Variants in CDH18 observed in about 807,000 individuals in gnomAD.
CDH18 encodes cadherin 18.
Under a neutral mutation model 67.9 loss-of-function variants are expected in CDH18, and 31 were observed. The observed-to-expected ratio is 0.46, with a 90% confidence interval of 0.34 to 0.62. CDH18 has a LOEUF of 0.62. Among genes scored for constraint, CDH18 ranks in the 20% least tolerant of loss-of-function variants. CDH18 has a pLI of 0.01. For missense variants in CDH18, 890 were observed against 975.5 expected, an observed-to-expected ratio of 0.91 and a Z score of 1.17; for synonymous variants, 362 against 347.2, an observed-to-expected ratio of 1.04 and a Z score of -0.48.
chr5:19,960,324 G>GT, intron 2 of CDH18, among the ~76,000 whole-genome samples: 1 of 151,594 alleles, frequency 6.6e-6, no homozygotes, highest in African/African-American at 2.4e-5. Context: ...TCTTTCATTT[G>GT]TTTTTACTTT....
intron 2 of CDH18, among the ~76,000 whole-genome samples, chr5:19,862,076 A>G (rs1490991491): frequency 2.0e-5 from 3 of 152,168 alleles, no homozygotes; most frequent in Admixed American, 1.3e-4. Flanking sequence ...AGAAATATGT[A>G]TATCAGGGTA....
chr5:19,474,255 T>G (rs1738067319), intron 12 of CDH18, among the ~76,000 whole-genome samples: 1 of 152,164 alleles, frequency 6.6e-6, no homozygotes, highest in Admixed American at 6.6e-5. Context: ...CTTTTGTCAA[T>G]TATCCTTTAA....
intron 1 of CDH18, among the ~76,000 whole-genome samples, chr5:20,433,585 G>A (rs776078692): frequency 6.6e-6 from 1 of 152,020 alleles, no homozygotes; most frequent in Non-Finnish European, 1.5e-5. Context: ...AAAACATATG[G>A]GAGATATTTG....
intron 5 of CDH18, among the ~76,000 whole-genome samples, chr5:19,691,123 A>G (rs1011037435): frequency 6.6e-6 from 1 of 151,760 alleles, no homozygotes. Flanking sequence ...ATTGTTTAAC[A>G]TATGCAAATC....
In CDH18 at chr5:20,043,860, C is replaced by T. The variant is rs550704975; in HGVS notation, c.-517-51846G>A. On this transcript the variant is annotated intron_variant, in intron 2 of 14. Transcript: ENST00000507958. ...ATGGTTTAGCTTTGATATCTATGCC[C>T]TTTAATGTTTCTATGGAAATCCTAA... Among the ~76,000 whole-genome samples the T allele has an allele frequency of 6.6e-5, 10 of 152,206 alleles. No homozygotes were observed. In the South Asian group the frequency reaches 1.2e-3, roughly 19 times the overall value.
At chr5:19,521,050 G>C (rs2126904100) in intron 9 of CDH18, among the ~76,000 whole-genome samples, 1 of 152,288 alleles carries the variant, frequency 6.6e-6, no homozygotes, top group East Asian at 1.9e-4. Flanking sequence ...GTGGGAGAAA[G>C]TTGTCAGAAT....
chr5:19,565,305 C>G (rs1422922369), intron 8 of CDH18, among the ~76,000 whole-genome samples: 4 of 152,146 alleles, frequency 2.6e-5, no homozygotes, highest in Non-Finnish European at 5.9e-5. Flanking sequence ...TACAGTGATG[C>G]TTATGTCACT....
intron 1 of CDH18, among the ~76,000 whole-genome samples, chr5:20,415,035 T>C (rs1747170034): frequency 6.6e-6 from 1 of 152,180 alleles, no homozygotes; most frequent in Non-Finnish European, 1.5e-5. Flanking sequence ...TACTAACATG[T>C]TAATTGCAGC....
At chr5:20,071,277 A>G (rs1399319826) in intron 2 of CDH18, among the ~76,000 whole-genome samples, 1 of 152,072 alleles carries the variant, frequency 6.6e-6, no homozygotes, top group East Asian at 1.9e-4. Context: ...TTAGCTAAAG[A>G]TTTAATTTCC....
intron 2 of CDH18, among the ~76,000 whole-genome samples, chr5:20,192,466 G>C (rs551536366): frequency 3.3e-5 from 5 of 152,170 alleles, no homozygotes; most frequent in African/African-American, 1.2e-4. Context: ...TTTTCTTCTA[G>C]GGTTTTTATG....
chr5:20,011,506 T>C (rs1372196011), intron 2 of CDH18, among the ~76,000 whole-genome samples: 1 of 152,102 alleles, frequency 6.6e-6, no homozygotes, highest in Non-Finnish European at 1.5e-5. Context: ...GTAGGAGTGG[T>C]GAGAGAGGGC....
chr5:20,169,018 T>A (rs1296885502), intron 2 of CDH18, among the ~76,000 whole-genome samples: 2 of 152,054 alleles, frequency 1.3e-5, no homozygotes, highest in Non-Finnish European at 2.9e-5. Flanking sequence ...TGGGGATGGT[T>A]AATGGGTACA....
intron 2 of CDH18, among the ~76,000 whole-genome samples, chr5:19,888,671 G>T (rs904339259): frequency 6.6e-6 from 1 of 152,000 alleles, no homozygotes; most frequent in Non-Finnish European, 1.5e-5. Context: ...CTGTGCAATT[G>T]TTTATGTGCA....
chr5:19,734,026 G>C (rs1412441800), intron 4 of CDH18, among the ~76,000 whole-genome samples: 2 of 152,154 alleles, frequency 1.3e-5, no homozygotes, highest in East Asian at 1.9e-4. Flanking sequence ...CCGGCAAATG[G>C]GGCAAGAAAA....
At chr5:20,339,505 G>A (rs767101819) in intron 1 of CDH18, among the ~76,000 whole-genome samples, 10 of 152,052 alleles carry the variant, frequency 6.6e-5, no homozygotes, top group Non-Finnish European at 1.5e-4. Context: ...AGTGGACTGG[G>A]ACAGGGAGGC....
intron 1 of CDH18, among the ~76,000 whole-genome samples, chr5:20,396,183 C>T (rs1399002870): frequency 6.6e-6 from 1 of 152,016 alleles, no homozygotes; most frequent in Non-Finnish European, 1.5e-5. Context: ...TAGTGGGAGA[C>T]AGTTTAGTGG....
At chr5:19,822,786 TA>T (rs1581510642) in intron 3 of CDH18, among the ~76,000 whole-genome samples, 1 of 152,128 alleles carries the variant, frequency 6.6e-6, no homozygotes, top group Non-Finnish European at 1.5e-5. Context: ...TTGTCATTGA[TA>T]ACATTTTATC....
At chr5:19,724,324 G>T (rs536211658) in intron 4 of CDH18, among the ~76,000 whole-genome samples, 1 of 152,180 alleles carries the variant, frequency 6.6e-6, no homozygotes, top group East Asian at 1.9e-4. Flanking sequence ...ATTTAGAAAT[G>T]AATAACAAGT....
intron 3 of CDH18, among the ~76,000 whole-genome samples, chr5:19,819,799 G>T (rs1021950221): frequency 8.5e-5 from 13 of 152,146 alleles, no homozygotes; most frequent in African/African-American, 2.2e-4. Flanking sequence ...GAATGGCCAG[G>T]TTGGGAGAAC....
Sources: gnomAD v4.1 joint callset for allele counts (sites outside exome capture counted in the v4.1 genomes callset) on GRCh38, gnomAD v4.1.1 for gene constraint, MANE v1.5 for transcripts, NCBI Gene and HGNC (gene_info 2026-07-23, HGNC 2026-07-21) for gene names.